The following GRM7 variants were observed in gnomAD, a reference collection of about 807,000 sequenced individuals.
GRM7 encodes the protein metabotropic glutamate receptor 7.
A neutral mutation model predicts 84.5 loss-of-function variants in GRM7; 35 were observed. That is an observed-to-expected ratio of 0.41 (90% confidence interval 0.32 to 0.55). The LOEUF (loss-of-function observed/expected upper bound fraction) is 0.55, where lower values mean the gene tolerates loss of function less well. GRM7 is among the 20% of genes least tolerant of loss of function. GRM7 has a pLI of 0.19. For missense variants in GRM7, 1,003 were observed against 1,194.6 expected (o/e 0.84, Z 2.36); for synonymous variants, 487 against 455.1 (o/e 1.07, Z -0.89).
At chr3:6,963,703 T>A (rs1693391386) in intron 1 of GRM7, among the ~76,000 whole-genome samples, 1 of 152,230 alleles carries the variant, frequency 6.6e-6, no homozygotes, top group Admixed American at 6.5e-5. Context: ...CAGTTTACAA[T>A]GAATGTGGGT....
intron 5 of GRM7, among the ~76,000 whole-genome samples, chr3:7,431,923 T>A (rs1575326145): frequency 1.7e-5 from 1 of 57,824 alleles, no homozygotes; most frequent in Non-Finnish European, 5.1e-5. Context: ...TAGCAGGATG[T>A]TTTTTTATTT....
intron 9 of GRM7, among the ~76,000 whole-genome samples, chr3:7,730,120 A>G (rs1305198243): frequency 6.9e-6 from 1 of 144,074 alleles, no homozygotes; most frequent in South Asian, 2.2e-4. Flanking sequence ...TGATCTGCCC[A>G]CCTTGGCCTC....
At chr3:6,959,374 C>A (rs569658330) in intron 1 of GRM7, among the ~76,000 whole-genome samples, 2 of 151,576 alleles carry the variant, frequency 1.3e-5, no homozygotes, top group Non-Finnish European at 2.9e-5. Context: ...GATTTTTTTT[C>A]CTTCAAATTT....
At position 7,482,627 on chromosome 3, in the gene GRM7, G is replaced by C. The variant is rs530499394; in HGVS notation, c.1515+20905G>C. The stretch of plus-strand genomic sequence containing the variant: ...TATAAAGGAGGCAATGGTATGTATA[G>C]GTCAGCTCTGAGCCCTATTGTGAAA... On this transcript the variant is annotated intron_variant, in intron 7 of 9. Coordinates refer to ENST00000357716, the MANE Select transcript of GRM7 (RefSeq NM_000844.4). 1.8e-4 allele frequency among the ~76,000 whole-genome samples: 28 copies of C among 152,324 alleles called. No homozygotes were observed. In the South Asian group the frequency reaches 5.2e-3, roughly 28 times the overall value.
intron 1 of GRM7, among the ~76,000 whole-genome samples, chr3:6,933,979 G>A (rs570678276): frequency 1.3e-5 from 2 of 152,300 alleles, no homozygotes; most frequent in South Asian, 2.1e-4. Flanking sequence ...ATGAGGACAA[G>A]GTTGGGCTAA....
chr3:7,217,062 G>A (rs1696638535), intron 2 of GRM7, among the ~76,000 whole-genome samples: 1 of 152,076 alleles, frequency 6.6e-6, no homozygotes, highest in Admixed American at 6.6e-5. Flanking sequence ...TAGTTTGCCT[G>A]CTTACCTTTT....
At chr3:7,505,953 G>T (rs1007248290) in intron 7 of GRM7, among the ~76,000 whole-genome samples, 3 of 152,036 alleles carry the variant, frequency 2.0e-5, no homozygotes, top group East Asian at 1.9e-4. Flanking sequence ...ATTCTCTACC[G>T]CATCACCAGG....
At chr3:6,872,722 C>G (rs1695167970) in intron 1 of GRM7, among the ~76,000 whole-genome samples, 1 of 151,598 alleles carries the variant, frequency 6.6e-6, no homozygotes, top group Non-Finnish European at 1.5e-5. Context: ...TGTTTGGTTT[C>G]CTGTTCCTGT....
intron 5 of GRM7, among the ~76,000 whole-genome samples, chr3:7,420,827 T>C (rs1448924508): frequency 1.3e-5 from 2 of 152,150 alleles, no homozygotes; most frequent in Non-Finnish European, 2.9e-5. Flanking sequence ...GAGGATTTAG[T>C]AAGGCATTCT....
At chr3:6,938,307 T>C (rs2125053099) in intron 1 of GRM7, among the ~76,000 whole-genome samples, 1 of 152,336 alleles carries the variant, frequency 6.6e-6, no homozygotes, top group Admixed American at 6.5e-5. Context: ...CAAATAAAAT[T>C]CACTTGTATC....
At chr3:7,603,974 A>G (rs1164383520) in intron 8 of GRM7, among the ~76,000 whole-genome samples, 8 of 152,184 alleles carry the variant, frequency 5.3e-5, no homozygotes. Flanking sequence ...GGGGACAGAG[A>G]AGTCAATTGG....
At chr3:7,553,635 G>T (rs376542189) in intron 7 of GRM7, among the ~76,000 whole-genome samples, 1 of 152,122 alleles carries the variant, frequency 6.6e-6, no homozygotes, top group African/African-American at 2.4e-5. Context: ...TTCATAAGGT[G>T]TCAGAAAGGA....
chr3:7,126,501 G>A (rs898929719), intron 1 of GRM7, among the ~76,000 whole-genome samples: 4 of 152,110 alleles, frequency 2.6e-5, no homozygotes, highest in Admixed American at 6.5e-5. Flanking sequence ...AGTATGAACC[G>A]GTGGTTGAAT....
chr3:7,328,750 G>T (rs1054141857), intron 4 of GRM7, among the ~76,000 whole-genome samples: 1 of 152,064 alleles, frequency 6.6e-6, no homozygotes, highest in Non-Finnish European at 1.5e-5. Flanking sequence ...TCTCTGACAT[G>T]AATTTTCCTA....
At chr3:6,879,670 C>T (rs1009183822) in intron 1 of GRM7, among the ~76,000 whole-genome samples, 1 of 152,142 alleles carries the variant, frequency 6.6e-6, no homozygotes. Flanking sequence ...TCAAGCAAAT[C>T]TGATGATTAA....
At chr3:7,218,083 G>A (rs1029622526) in intron 2 of GRM7, among the ~76,000 whole-genome samples, 14 of 152,064 alleles carry the variant, frequency 9.2e-5, no homozygotes, top group African/African-American at 3.4e-4. Flanking sequence ...TAGTGACTGG[G>A]ATATGACTAA....
At chr3:7,028,206 G>A (rs1696050697) in intron 1 of GRM7, among the ~76,000 whole-genome samples, 1 of 152,192 alleles carries the variant, frequency 6.6e-6, no homozygotes, top group Non-Finnish European at 1.5e-5. Context: ...TTTAATAAAT[G>A]TGTGCATCTG....
At chr3:7,411,757 A>G (rs755096306) in intron 4 of GRM7, among the ~76,000 whole-genome samples, 1 of 152,194 alleles carries the variant, frequency 6.6e-6, no homozygotes, top group Non-Finnish European at 1.5e-5. Flanking sequence ...ACCACACTAC[A>G]CATTCTTGAA....
intron 2 of GRM7, among the ~76,000 whole-genome samples, chr3:7,179,931 G>T (rs751456647): frequency 2.6e-5 from 4 of 152,146 alleles, no homozygotes; most frequent in Non-Finnish European, 5.9e-5. Context: ...CCTTCCCAGA[G>T]ATTTACTTCC....
Sources: allele counts gnomAD v4.1 joint callset (sites outside exome capture counted in the v4.1 genomes callset), GRCh38; gene constraint gnomAD v4.1.1; transcripts MANE v1.5; gene names NCBI Gene and HGNC (gene_info 2026-07-23, HGNC 2026-07-21).